Variants in CCSER1 observed in about 807,000 individuals in gnomAD.
CCSER1 encodes coiled-coil serine rich protein 1.
Under a neutral mutation model 82.0 loss-of-function variants are expected in CCSER1, and 41 were observed. That is an observed-to-expected ratio of 0.50 (90% CI 0.39 to 0.65). The LOEUF (loss-of-function observed/expected upper bound fraction) is 0.65. Ranked by LOEUF, CCSER1 falls within the 30% of genes least tolerant of loss-of-function variation. The probability of loss-of-function intolerance (pLI) is 0.00; values close to 1 mark genes in which losing one functional copy is unlikely to be tolerated. For synonymous variants in CCSER1, 414 were observed against 383.9 expected (o/e 1.08, Z -0.92); for missense variants, 1,119 against 1,064.2 (o/e 1.05, Z -0.72).
chr4:90,616,953 G>A (rs987271411), intron 5 of CCSER1, among the ~76,000 whole-genome samples: 3 of 152,082 alleles, frequency 2.0e-5, no homozygotes, highest in Non-Finnish European at 4.4e-5. Context: ...ACACTCTGGA[G>A]CCAGACTCTG....
intron 1 of CCSER1, among the ~76,000 whole-genome samples, chr4:90,190,240 A>C (rs1429938996): frequency 6.6e-6 from 1 of 152,072 alleles, no homozygotes; most frequent in Non-Finnish European, 1.5e-5. Flanking sequence ...CCAAAAAATA[A>C]ATATGAACAT....
At chr4:90,928,642 G>A (rs1024452085) in intron 9 of CCSER1, among the ~76,000 whole-genome samples, 1 of 152,042 alleles carries the variant, frequency 6.6e-6, no homozygotes, top group African/African-American at 2.4e-5. Context: ...TCAAGACTAT[G>A]ATCAGAAATT....
In CCSER1 at chr4:91,057,531, G is replaced by T. The variant is rs192960907; in HGVS notation, c.2173-28419G>T. Among the ~76,000 whole-genome samples the T allele has an allele frequency of 2.5e-3, 375 of 152,250 alleles. 2 individuals are homozygous for T. The highest frequency in any genetic ancestry group is 8.5e-3 in the African/African-American group (355 of 41,552). ...TGGAAGTTATAATGTTATAACCAAAGAAATCATAAGTAGCTGTTTCTAGTC... is the reference window on the plus strand; with the variant it reads ...TGGAAGTTATAATGTTATAACCAAATAAATCATAAGTAGCTGTTTCTAGTC... On this transcript the variant is annotated intron_variant, in intron 9 of 10. Transcript: ENST00000509176.
intron 6 of CCSER1, among the ~76,000 whole-genome samples, chr4:90,655,740 T>C (rs1461564716): frequency 6.6e-6 from 1 of 151,990 alleles, no homozygotes; most frequent in Non-Finnish European, 1.5e-5. Context: ...TTAGTAAACA[T>C]GTATGTGTGC....
chr4:91,172,216 C>T (rs1479131324), intron 10 of CCSER1, among the ~76,000 whole-genome samples: 2 of 152,098 alleles, frequency 1.3e-5, no homozygotes, highest in African/African-American at 2.4e-5. Flanking sequence ...CATCTTATTT[C>T]ATTATGTAAT....
intron 5 of CCSER1, among the ~76,000 whole-genome samples, chr4:90,537,887 C>G (rs1221809308): frequency 6.6e-6 from 1 of 152,076 alleles, no homozygotes; most frequent in East Asian, 1.9e-4. Flanking sequence ...TTCTTATTGT[C>G]TCTTCTTTAT....
intron 8 of CCSER1, among the ~76,000 whole-genome samples, chr4:90,837,525 C>G (rs1761962724): frequency 6.6e-6 from 1 of 152,040 alleles, no homozygotes; most frequent in Non-Finnish European, 1.5e-5. Flanking sequence ...CATCATATTA[C>G]TATGTTAAAC....
At chr4:90,651,264 A>G (rs1316359634) in intron 6 of CCSER1, among the ~76,000 whole-genome samples, 1 of 152,190 alleles carries the variant, frequency 6.6e-6, no homozygotes, top group African/African-American at 2.4e-5. Flanking sequence ...CACTATTCAC[A>G]ATAGCAAAGA....
At chr4:90,402,035 G>A (rs991772142) in intron 4 of CCSER1, among the ~76,000 whole-genome samples, 23 of 152,140 alleles carry the variant, frequency 1.5e-4, no homozygotes, top group African/African-American at 3.4e-4. Flanking sequence ...TCCTATCCCC[G>A]TCCCAGAAGA....
intron 9 of CCSER1, among the ~76,000 whole-genome samples, chr4:91,070,919 G>T (rs921826691): frequency 2.6e-5 from 4 of 152,120 alleles, no homozygotes; most frequent in Admixed American, 2.0e-4. Flanking sequence ...TGGTGTTGTA[G>T]ATAGTGTGAT....
At chr4:91,083,203 C>T (rs1247236701) in intron 9 of CCSER1, among the ~76,000 whole-genome samples, 2 of 152,128 alleles carry the variant, frequency 1.3e-5, no homozygotes, top group East Asian at 1.9e-4. Context: ...AAATGTGGCA[C>T]ATATATACCA....
Position 91,075,523 on chromosome 4 carries a change from A to G in CCSER1, c.2173-10427A>G, listed in dbSNP as rs181316332. Among the ~76,000 whole-genome samples the G allele has an allele frequency of 2.6e-3, 399 of 152,222 alleles. 3 individuals are homozygous for G. Among genetic ancestry groups the G allele is most frequent in the African/African-American group, 9.3e-3 (385 of 41,524 alleles). ...TTAAAATTCTGTGAATCTTATATTA[A>G]TATTAAGAATCAACCCATATGCATA... On this transcript the variant is annotated intron_variant, in intron 9 of 10. Coordinates refer to ENST00000509176, the MANE Select transcript of CCSER1 (RefSeq NM_001145065.2).
chr4:90,752,034 G>A (rs530186830), intron 7 of CCSER1, among the ~76,000 whole-genome samples: 29 of 152,166 alleles, frequency 1.9e-4, no homozygotes, highest in Admixed American at 3.9e-4. Flanking sequence ...TGAACATGTG[G>A]TTTATCTAAA....
intron 7 of CCSER1, among the ~76,000 whole-genome samples, chr4:90,751,133 T>A (rs17184632): frequency 0.59 from 89,894 of 151,900 alleles, 26,798 homozygotes; most frequent in African/African-American, 0.66. Flanking sequence ...ATTTTCTCCT[T>A]CAGCCAAATA....
intron 6 of CCSER1, among the ~76,000 whole-genome samples, chr4:90,665,291 G>A (rs1212890702): frequency 6.6e-6 from 1 of 151,720 alleles, no homozygotes; most frequent in Non-Finnish European, 1.5e-5. Flanking sequence ...GGTAGGGAGA[G>A]GTTCTAAGGA....
intron 10 of CCSER1, among the ~76,000 whole-genome samples, chr4:91,259,484 C>T (rs1740939499): frequency 6.6e-6 from 1 of 152,022 alleles, no homozygotes; most frequent in Non-Finnish European, 1.5e-5. Context: ...GGTACATGTG[C>T]AGAACATGCA....
At position 90,789,899 on chromosome 4, in the gene CCSER1, A is replaced by C. The variant is rs1311103984; in HGVS notation, c.2011-25863A>C. ...TATATTTCTTCGGCTGGATTTTATA[A>C]GGAACATTTCAATTGAACTCATTAT... On this transcript the variant is annotated intron_variant, in intron 7 of 10. Transcript: ENST00000509176. Among the ~76,000 whole-genome samples, 8 of 152,320 alleles carry C rather than the reference A, an allele frequency of 5.3e-5. No homozygotes were observed. The East Asian group carries it at 1.5e-3, about 29-fold the overall frequency.
intron 5 of CCSER1, among the ~76,000 whole-genome samples, chr4:90,553,731 A>G (rs541327930): frequency 1.3e-4 from 20 of 152,324 alleles, no homozygotes; most frequent in African/African-American, 1.9e-4. Flanking sequence ...CTGCACATTT[A>G]TTAATTGAAT....
intron 6 of CCSER1, among the ~76,000 whole-genome samples, chr4:90,649,818 G>C (rs536459003): frequency 6.6e-6 from 1 of 152,174 alleles, no homozygotes; most frequent in Admixed American, 6.5e-5. Flanking sequence ...AAAATAAAGG[G>C]TCAAGGGGCT....
Sources: gnomAD v4.1 joint callset for allele counts (sites outside exome capture counted in the v4.1 genomes callset) on GRCh38, gnomAD v4.1.1 for gene constraint, MANE v1.5 for transcripts, NCBI Gene and HGNC (gene_info 2026-07-23, HGNC 2026-07-21) for gene names.